CPD: variants seen among roughly 807,000 people sequenced by gnomAD.
CPD encodes the protein carboxypeptidase D.
CPD carries 69 observed loss-of-function variants against 138.3 expected under a neutral mutation model. The observed-to-expected ratio is 0.50, with a 90% CI of 0.41 to 0.61. The LOEUF (loss-of-function observed/expected upper bound fraction) is 0.61. Ranked by LOEUF, CPD falls within the 20% of genes least tolerant of loss-of-function variation. The pLI, the probability that CPD is intolerant of heterozygous loss-of-function variation, is 0.00. For synonymous variants in CPD, 651 were observed against 642.1 expected, an observed-to-expected ratio of 1.01 and a Z score of -0.21; for missense variants, 1,432 against 1,733.3, an observed-to-expected ratio of 0.83 and a Z score of 3.09.
At chr17:30,430,270 C>G (rs954288475) in intron 7 of CPD, among the ~76,000 whole-genome samples, 12 of 152,110 alleles carry the variant, frequency 7.9e-5, no homozygotes. Flanking sequence ...TACCCCACAC[C>G]CATTTAACAG....
At chr17:30,423,845 A>C (rs1567875223) in intron 6 of CPD, 148 bp downstream of exon 6, 4 of 586,592 alleles carry the variant, frequency 6.8e-6, no homozygotes, top group Non-Finnish European at 1.1e-5. Context: ...TTGTATTCTT[A>C]TATGATGATC....
At chr17:30,424,754 C>A (rs1003284933) in intron 6 of CPD, among the ~76,000 whole-genome samples, 1 of 152,180 alleles carries the variant, frequency 6.6e-6, no homozygotes, top group African/African-American at 2.4e-5. Context: ...GACAGCAGAC[C>A]CTTATGCACA....
intron 12 of CPD, 106 bp downstream of exon 12, chr17:30,446,126 G>T: frequency 1.3e-6 from 1 of 792,770 alleles, no homozygotes; most frequent in Non-Finnish European, 2.0e-6. Flanking sequence ...GGAACAGAAT[G>T]TACAGAGAGT....
At chr17:30,444,516 CTTTTTTTTTTTTTTT>C (rs34419729) in intron 11 of CPD, among the ~76,000 whole-genome samples, 1 of 120,852 alleles carries the variant, frequency 8.3e-6, no homozygotes, top group Admixed American at 8.2e-5. Context: ...ATGCTAGTAA[CTTTTTTTTTTTTTTT>C]TTTTTTTTTT....
At chr17:30,464,458 G>A (rs1913577715) in intron 20 of CPD, 130 bp from the exon 21 acceptor site, 3 of 687,992 alleles carry the variant, frequency 4.4e-6, no homozygotes, top group Non-Finnish European at 7.4e-6. Context: ...AATAATAAAG[G>A]TTGTTCTTAA....
At chr17:30,383,789 T>C (rs927262874) in intron 1 of CPD, among the ~76,000 whole-genome samples, 1 of 151,686 alleles carries the variant, frequency 6.6e-6, no homozygotes, top group Non-Finnish European at 1.5e-5. Context: ...AGAATTTCTG[T>C]AGGTCAGTTA....
At chr17:30,435,059 T>C (rs963818956) in intron 8 of CPD, among the ~76,000 whole-genome samples, 30 of 151,720 alleles carry the variant, frequency 2.0e-4, no homozygotes, top group Non-Finnish European at 2.4e-4. Context: ...TACCCAAATA[T>C]ACGTTGAGAA....
chr17:30,390,268 T>C (rs1353561650), intron 2 of CPD, among the ~76,000 whole-genome samples: 1 of 152,164 alleles, frequency 6.6e-6, no homozygotes, highest in African/African-American at 2.4e-5. Context: ...CTGCCCACCT[T>C]GGCCTCCCAA....
intron 1 of CPD, chr17:30,380,274 G>T: frequency 5.5e-6 from 1 of 182,456 alleles, no homozygotes; most frequent in Non-Finnish European, 1.1e-5. Flanking sequence ...TCTGATTCCC[G>T]ATAGTCCTCT....
chr17:30,407,625 T>A lies in CPD; in HGVS notation c.995-13216T>A, dbSNP rs528570674. On this transcript the variant is annotated intron_variant, in intron 2 of 20. Transcript: ENST00000225719. ...TGCATAAATGTCTTCTTTTGAGAAG[T>A]GTCTGTTCCTTTCCTTTGCCCACTT... Among the ~76,000 whole-genome samples, 5 of 152,354 alleles carry A rather than the reference T, an allele frequency of 3.3e-5. No individual in the cohort carries two copies. In the East Asian group the frequency reaches 9.6e-4, roughly 29 times the overall value.
intron 2 of CPD, among the ~76,000 whole-genome samples, chr17:30,410,485 G>T (rs1567871509): frequency 6.6e-6 from 1 of 152,102 alleles, no homozygotes; most frequent in Admixed American, 6.5e-5. Context: ...TCATTGTGTG[G>T]GAGCCTAAGT....
chr17:30,462,400 G>T lies in CPD; in HGVS notation c.3847G>T (p.Val1283Leu). 1 of 1,613,940 alleles carries T rather than the reference G, an allele frequency of 6.2e-7. No individual in the cohort carries two copies. Among genetic ancestry groups the T allele is most frequent in the Non-Finnish European group, 8.5e-7 (1 of 1,179,902 alleles). ...VFVHHDAASS[V>L]VIVFDTDNRI... ...TGTGCATCATGATGCAGCTAGTTCT[G>T]TGGTGATAGTCTTTGACACAGATAA... Residue 1283 changes from valine (V) to leucine (L), a missense_variant, in exon 20 of 21, where the codon GTG (valine) becomes TTG (leucine). Val to Leu is a conservative substitution (Grantham distance 32). Transcript: ENST00000225719.
At chr17:30,401,261 TTCTC>T (rs1911653379) in intron 2 of CPD, among the ~76,000 whole-genome samples, 1 of 151,554 alleles carries the variant, frequency 6.6e-6, no homozygotes, top group Admixed American at 6.6e-5. Context: ...CTCCTTCTCC[TTCTC>T]CTCCTCCTTC....
At chr17:30,409,560 A>C (rs923824371) in intron 2 of CPD, among the ~76,000 whole-genome samples, 1 of 152,200 alleles carries the variant, frequency 6.6e-6, no homozygotes, top group East Asian at 1.9e-4. Flanking sequence ...AAGAGATTCA[A>C]CTTCCTCCTG....
intron 1 of CPD, among the ~76,000 whole-genome samples, chr17:30,384,391 T>G (rs2143300524): frequency 6.6e-6 from 1 of 152,340 alleles, no homozygotes; most frequent in Admixed American, 6.5e-5. Flanking sequence ...GTTATTAACC[T>G]AACATATATG....
Position 30,378,978 on chromosome 17 carries a change from A to T in CPD, c.-3A>T, listed in dbSNP as rs777773128. Reference sequence around the variant, plus strand: ...GAGCCGGGGTTAGCGGCGCTGCTGGAAGATGGCGAGCGGCCGGGACGAGCG... The same window carrying T: ...GAGCCGGGGTTAGCGGCGCTGCTGGTAGATGGCGAGCGGCCGGGACGAGCG... On this transcript the variant is annotated 5_prime_UTR_variant, in exon 1 of 21. Transcript: ENST00000225719. 6.6e-7 allele frequency: 1 copy of T among 1,524,922 alleles called. No homozygotes were observed. Among genetic ancestry groups the T allele is most frequent in the South Asian group, 1.2e-5 (1 of 82,918 alleles). The allele number at this position is 1,524,922 out of a possible 1,614,324, so 94.5% of individuals were successfully genotyped here. A position where few individuals can be genotyped will look rare whatever the true frequency, so the allele number is the denominator to read the frequency against.
At chr17:30,395,230 AAT>A (rs1911470656) in intron 2 of CPD, among the ~76,000 whole-genome samples, 1 of 146,354 alleles carries the variant, frequency 6.8e-6, no homozygotes, top group East Asian at 2.0e-4. Flanking sequence ...CTCTAAAGTG[AAT>A]GCATTTCGTA....
Position 30,415,153 on chromosome 17 carries a change from A to C in CPD, c.995-5688A>C, listed in dbSNP as rs572650822. 8.5e-5 allele frequency among the ~76,000 whole-genome samples: 13 copies of C among 152,272 alleles called. No homozygotes were observed. In the East Asian group the frequency reaches 2.5e-3, roughly 29 times the overall value. ...TGATTTCTCAAGCCTAAAATCTAGA[A>C]GTCGTCCTTGATTTCTTCCTTCTAC... is the stretch of plus-strand genomic sequence containing the variant. On this transcript the variant is annotated intron_variant, in intron 2 of 20. Transcript: ENST00000225719.
chr17:30,448,856 C>G (rs1393693465), intron 12 of CPD, among the ~76,000 whole-genome samples: 2 of 152,024 alleles, frequency 1.3e-5, no homozygotes, highest in African/African-American at 2.4e-5. Context: ...AATCCCAGCA[C>G]TTTGGGAGGC....
Sources: gnomAD v4.1 joint callset for allele counts (sites outside exome capture counted in the v4.1 genomes callset) on GRCh38, gnomAD v4.1.1 for gene constraint, MANE v1.5 for transcripts, NCBI Gene and HGNC (gene_info 2026-07-23, HGNC 2026-07-21) for gene names.